The following IMPG1 variants were observed in gnomAD, a reference collection of about 807,000 sequenced individuals.
The protein encoded by IMPG1 is interphotoreceptor matrix proteoglycan 1.
A neutral mutation model predicts 92.0 loss-of-function variants in IMPG1; 85 were observed. That is an observed-to-expected ratio of 0.92 (90% CI 0.78 to 1.11). IMPG1 has a LOEUF of 1.11. Among genes scored for constraint, IMPG1 ranks in the 50% least tolerant of loss-of-function variants. The pLI, the probability that IMPG1 is intolerant of heterozygous loss-of-function variation, is 0.00. For missense variants in IMPG1, 1,022 were observed against 956.0 expected, an observed-to-expected ratio of 1.07 and a Z score of -0.91; for synonymous variants, 367 against 334.1, an observed-to-expected ratio of 1.10 and a Z score of -1.08.
In IMPG1 at chr6:75,951,194, T is replaced by C. The variant is rs1044452484; in HGVS notation, c.1292-100A>G. 27 of 849,402 alleles carry C rather than the reference T, an allele frequency of 3.2e-5. No individual in the cohort carries two copies. The African/African-American group carries it at 3.8e-4, about 12-fold the overall frequency. The allele number at this position is 849,402 out of a possible 1,614,324, so 52.6% of individuals were successfully genotyped here. A position where few individuals can be genotyped will look rare whatever the true frequency, so the allele number is the denominator to read the frequency against. On this transcript the variant is annotated intron_variant, in intron 12 of 16. Transcript: ENST00000369950. ...ATTAAGCTTAACTTAAGAAAATACATAGCATTTGCGTAGATCATTTCAATA... is the reference window on the plus strand; with the variant it reads ...ATTAAGCTTAACTTAAGAAAATACACAGCATTTGCGTAGATCATTTCAATA...
intron 4 of IMPG1, among the ~76,000 whole-genome samples, chr6:76,025,996 G>A (rs1783522441): frequency 6.6e-6 from 1 of 152,202 alleles, no homozygotes; most frequent in Admixed American, 6.5e-5. Context: ...CCTGCCCTCA[G>A]GGATGGAGCC....
intron 13 of IMPG1, among the ~76,000 whole-genome samples, chr6:75,948,273 A>G (rs757621883): frequency 2.6e-5 from 4 of 152,228 alleles, no homozygotes; most frequent in Non-Finnish European, 4.4e-5. Context: ...TCAGGTTCCC[A>G]CATCTGCCTC....
chr6:76,027,030 A>G (rs1783553844), intron 4 of IMPG1, among the ~76,000 whole-genome samples: 1 of 152,216 alleles, frequency 6.6e-6, no homozygotes, highest in Non-Finnish European at 1.5e-5. Flanking sequence ...CGTCTGTCAA[A>G]GAGCTGTAAT....
At chr6:75,937,061 A>C (rs1781758994) in intron 14 of IMPG1, among the ~76,000 whole-genome samples, 1 of 152,136 alleles carries the variant, frequency 6.6e-6, no homozygotes, top group Admixed American at 6.5e-5. Flanking sequence ...TGCGTGTCCC[A>C]GGAGGCAAAG....
At chr6:76,020,191 T>G (rs1783393701) in intron 6 of IMPG1, among the ~76,000 whole-genome samples, 1 of 152,112 alleles carries the variant, frequency 6.6e-6, no homozygotes, top group South Asian at 2.1e-4. Context: ...TAGCTGGGAC[T>G]ACAGGCATGG....
At chr6:75,986,266 G>A (rs1782716529) in intron 12 of IMPG1, among the ~76,000 whole-genome samples, 1 of 152,128 alleles carries the variant, frequency 6.6e-6, no homozygotes, top group South Asian at 2.1e-4. Flanking sequence ...CTTGGGTGGT[G>A]CACGTTACAC....
intron 4 of IMPG1, among the ~76,000 whole-genome samples, chr6:76,029,544 A>G (rs1783617329): frequency 6.6e-6 from 1 of 152,190 alleles, no homozygotes; most frequent in Non-Finnish European, 1.5e-5. Context: ...GATTTTGCCT[A>G]TATTTTAGAC....
intron 1 of IMPG1, among the ~76,000 whole-genome samples, chr6:76,071,298 C>T (rs1460664031): frequency 6.7e-6 from 1 of 150,300 alleles, no homozygotes; most frequent in African/African-American, 2.4e-5. Context: ...AGCTGAATTG[C>T]TTGATCAAGT....
chr6:76,061,400 G>A lies in IMPG1; in HGVS notation c.67+11022C>T, dbSNP rs979691424. Among the ~76,000 whole-genome samples the A allele has an allele frequency of 2.0e-5, 3 of 152,186 alleles. No homozygotes were observed. The East Asian group carries it at 5.8e-4, about 29-fold the overall frequency. ...AAAGTATAGGGGCTGTACAGTTAAT[G>A]TGCCTACCATTAGGCAGCTATCTCA... is the stretch of plus-strand genomic sequence containing the variant. On this transcript the variant is annotated intron_variant, in intron 1 of 16. Coordinates refer to ENST00000369950, the MANE Select transcript of IMPG1 (RefSeq NM_001563.4).
chr6:76,070,706 C>G (rs1784391042), intron 1 of IMPG1, among the ~76,000 whole-genome samples: 1 of 151,972 alleles, frequency 6.6e-6, no homozygotes, highest in African/African-American at 2.4e-5. Flanking sequence ...AGTGAAATAA[C>G]TAAGAAACAG....
intron 12 of IMPG1, among the ~76,000 whole-genome samples, chr6:75,992,627 A>G (rs375002479): frequency 1.6e-4 from 24 of 152,306 alleles, no homozygotes; most frequent in African/African-American, 5.5e-4. Flanking sequence ...CTGTAGGCAG[A>G]CAAACTTTCC....
At chr6:76,054,478 A>C (rs1784088965) in intron 1 of IMPG1, among the ~76,000 whole-genome samples, 1 of 152,210 alleles carries the variant, frequency 6.6e-6, no homozygotes, top group Admixed American at 6.5e-5. Context: ...TACATTTAAA[A>C]AGGTTCCCAT....
Position 76,034,703 on chromosome 6 carries a change from ATGC to A in IMPG1, c.383_385del (p.Ser128del), listed in dbSNP as rs1562378248. 6.2e-7 allele frequency: 1 copy of A among 1,614,148 alleles called. No homozygotes were observed. The highest frequency in any genetic ancestry group is 8.5e-7 in the Non-Finnish European group (1 of 1,179,994). ...GAGGCAGAAGGTCTCCTGCTGGCAG[ATGC>A]TGACCCAGTCCTGATATTCCCCTGT... On this transcript the variant is annotated inframe_deletion, in exon 3 of 17. Transcript: ENST00000369950.
At chr6:76,067,093 G>T (rs1244839289) in intron 1 of IMPG1, among the ~76,000 whole-genome samples, 1 of 151,648 alleles carries the variant, frequency 6.6e-6, no homozygotes, top group Admixed American at 6.6e-5. Context: ...AAGATAGAAA[G>T]ATCACAAATT....
chr6:76,012,244 A>G (rs1783199115), intron 7 of IMPG1, among the ~76,000 whole-genome samples: 1 of 152,190 alleles, frequency 6.6e-6, no homozygotes, highest in Non-Finnish European at 1.5e-5. Context: ...AAGCTACTAC[A>G]GCCTGGCCAT....
In IMPG1 at chr6:76,022,084, G is replaced by A. The variant is rs766817046; in HGVS notation, c.666+32C>T. ...TGCTAAAGAACAAAAACAGGCACAT[G>A]AAGAGCTAGATCAACTCTAGGAACT... On this transcript the variant is annotated intron_variant, in intron 6 of 16. Coordinates refer to ENST00000369950, the MANE Select transcript of IMPG1 (RefSeq NM_001563.4). 48 of 1,209,062 alleles carry A rather than the reference G, an allele frequency of 4.0e-5. 1 individual carries two copies. The South Asian group carries it at 5.4e-4, about 14-fold the overall frequency. The allele number at this position is 1,209,062 out of a possible 1,614,324, so 74.9% of individuals were successfully genotyped here. A position where few individuals can be genotyped will look rare whatever the true frequency, so the allele number is the denominator to read the frequency against.
At chr6:75,986,991 A>G (rs193117003) in intron 12 of IMPG1, among the ~76,000 whole-genome samples, 2 of 152,312 alleles carry the variant, frequency 1.3e-5, no homozygotes, top group East Asian at 1.9e-4. Flanking sequence ...TTTTCTCACA[A>G]TCAGTTTTTT....
At chr6:76,010,151 C>A (rs1050265696) in intron 8 of IMPG1, among the ~76,000 whole-genome samples, 2 of 152,182 alleles carry the variant, frequency 1.3e-5, no homozygotes, top group Non-Finnish European at 2.9e-5. Flanking sequence ...AAGAAATAAA[C>A]CATGAGAGCT....
intron 1 of IMPG1, among the ~76,000 whole-genome samples, chr6:76,049,219 A>G (rs1248545445): frequency 6.6e-6 from 1 of 152,182 alleles, no homozygotes; most frequent in Non-Finnish European, 1.5e-5. Flanking sequence ...GAGGGAGAGG[A>G]TCAGAAAAAA....
Sources: gnomAD v4.1 joint callset for allele counts (sites outside exome capture counted in the v4.1 genomes callset) on GRCh38, gnomAD v4.1.1 for gene constraint, MANE v1.5 for transcripts, NCBI Gene and HGNC (gene_info 2026-07-23, HGNC 2026-07-21) for gene names.